Variants in SERPINH1 observed in about 807,000 individuals in gnomAD.
SERPINH1 encodes serpin H1.
In SERPINH1, 22 loss-of-function variants were observed where a neutral mutation model predicts 32.3. The observed-to-expected ratio is 0.68, with a 90% confidence interval of 0.49 to 0.97. SERPINH1 has a LOEUF of 0.97. Among genes scored for constraint, SERPINH1 ranks in the 50% least tolerant of loss-of-function variants. SERPINH1 has a pLI of 0.00. For missense variants in SERPINH1, 543 were observed against 576.4 expected, an observed-to-expected ratio of 0.94 and a Z score of 0.59; for synonymous variants, 251 against 245.9, an observed-to-expected ratio of 1.02 and a Z score of -0.19.
At position 75,566,766 on chromosome 11, in the gene SERPINH1, A is replaced by G. The variant is rs1455724743; in HGVS notation, c.417A>G (p.Ser139=). 6.2e-7 allele frequency: 1 copy of G among 1,613,258 alleles called. No homozygotes were observed. The highest frequency in any genetic ancestry group is 2.2e-5 in the East Asian group (1 of 44,886). Residue 139 remains serine (S), a synonymous_variant, in exon 2 of 5, where the codon TCA becomes TCG. Coordinates refer to ENST00000358171, the MANE Select transcript of SERPINH1 (RefSeq NM_001235.5). ...KLGSRLYGPS[S]VSFADDFVRS... ...GCAGCCGACTGTACGGACCCAGCTC[A>G]GTGAGCTTCGCTGATGACTTCGTGC... is the stretch of plus-strand genomic sequence containing the variant.
chr11:75,569,829 T>C (rs921250226), intron 4 of SERPINH1, among the ~76,000 whole-genome samples: 1 of 152,198 alleles, frequency 6.6e-6, no homozygotes, highest in East Asian at 1.9e-4. Context: ...TTAAGTAACC[T>C]GTGCAAAGTC....
intron 1 of SERPINH1, among the ~76,000 whole-genome samples, chr11:75,564,926 C>G (rs1257629923): frequency 6.6e-6 from 1 of 152,200 alleles, no homozygotes; most frequent in African/African-American, 2.4e-5. Context: ...TGAGGGTCTT[C>G]CACCAGGATT....
At chr11:75,571,425 T>C (rs1396602971) in intron 4 of SERPINH1, among the ~76,000 whole-genome samples, 1 of 152,208 alleles carries the variant, frequency 6.6e-6, no homozygotes, top group Non-Finnish European at 1.5e-5. Flanking sequence ...GAGATTCTGA[T>C]TCAGGGGGTC....
chr11:75,570,566 G>A (rs1047097903), intron 4 of SERPINH1, among the ~76,000 whole-genome samples: 1 of 152,174 alleles, frequency 6.6e-6, no homozygotes, highest in Non-Finnish European at 1.5e-5. Flanking sequence ...AGGTCATCCG[G>A]GTGGGAAGAG....
chr11:75,569,212 C>T (rs1232763940), intron 4 of SERPINH1, 41 bp downstream of exon 4: 2 of 1,478,170 alleles, frequency 1.4e-6, no homozygotes, highest in Admixed American at 3.9e-5. Context: ...GGCCTTGGAG[C>T]CAGGGGGAGG....
In SERPINH1 at chr11:75,566,724, C is replaced by T. The variant is rs772088561; in HGVS notation, c.375C>T (p.Asn125=). The change falls in exon 2 of 5, where the codon AAC becomes AAT. Residue 125 remains asparagine (N), a synonymous_variant. Coordinates refer to ENST00000358171, the MANE Select transcript of SERPINH1 (RefSeq NM_001235.5). ...LRSLSNSTAR[N]VTWKLGSRLY... ...CACTCAGCAACTCCACGGCGCGCAACGTGACCTGGAAGCTGGGCAGCCGAC... is the reference window on the plus strand; with the variant it reads ...CACTCAGCAACTCCACGGCGCGCAATGTGACCTGGAAGCTGGGCAGCCGAC... The T allele has an allele frequency of 4.3e-6, 7 of 1,612,740 alleles. No homozygotes were observed. Among genetic ancestry groups the T allele is most frequent in the South Asian group, 1.1e-5 (1 of 91,060 alleles).
Position 75,572,173 on chromosome 11 carries a change from C to A in SERPINH1, c.*90C>A. 1 of 1,309,378 alleles carries A rather than the reference C, an allele frequency of 7.6e-7. No homozygotes were observed. The highest frequency in any genetic ancestry group is 1.1e-6 in the Non-Finnish European group (1 of 924,898). 81.1% of individuals were successfully genotyped at this position (1,309,378 alleles called of 1,614,324 possible). ...TGGGGTTGGGGGGGAGGTGAGGTAC[C>A]AGCCTTGGATACTCCATGGGGTGGG... On this transcript the variant is annotated 3_prime_UTR_variant, in exon 5 of 5. Transcript: ENST00000358171.
At chr11:75,564,191 C>T (rs12275382) in intron 1 of SERPINH1, among the ~76,000 whole-genome samples, 4,080 of 152,340 alleles carry the variant, frequency 0.027, 192 homozygotes, top group African/African-American at 0.092. Flanking sequence ...CCCCCTCTGC[C>T]GGCCGGTGGA....
Position 75,567,038 on chromosome 11 carries a change from C to T in SERPINH1, c.622+67C>T. 2.6e-6 allele frequency: 4 copies of T among 1,510,644 alleles called. No homozygotes were observed. The East Asian group carries it at 7.0e-5, about 26-fold the overall frequency. The allele number at this position is 1,510,644 out of a possible 1,614,324, so 93.6% of individuals were successfully genotyped here. On this transcript the variant is annotated intron_variant, in intron 2 of 4. Transcript: ENST00000358171. ...GGACCCCCTGCAAGAGTTAGGACGA[C>T]ATTCCGTGCGCTCCATTCTTCACTG...
At chr11:75,564,548 A>C (rs538304179) in intron 1 of SERPINH1, among the ~76,000 whole-genome samples, 1 of 151,810 alleles carries the variant, frequency 6.6e-6, no homozygotes, top group East Asian at 1.9e-4. Context: ...TGCCCATTTT[A>C]CTCTTATAAG....
Position 75,568,739 on chromosome 11 carries a change from G to A in SERPINH1, c.631G>A (p.Asp211Asn), listed in dbSNP as rs552545957. ...VNAMFFKPHW[D>N]EKFHHKMVDN... ...TTTTGCCCCAACTACAGCACACTGGGATGAGAAATTCCACCACAAGATGGT... is the reference window on the plus strand; with the variant it reads ...TTTTGCCCCAACTACAGCACACTGGAATGAGAAATTCCACCACAAGATGGT... Residue 211 changes from aspartate (D) to asparagine (N), a missense_variant, in exon 3 of 5, where the codon GAT becomes AAT. Asp to Asn is a conservative substitution (Grantham distance 23). This residue lies in a region of SERPINH1 where 427 missense variants were observed against 446.4 expected (regional missense o/e 0.96). Transcript: ENST00000358171. The A allele has an allele frequency of 2.5e-6, 4 of 1,612,464 alleles. No individual in the cohort carries two copies. The highest frequency in any genetic ancestry group is 1.7e-5 in the Admixed American group (1 of 60,006).
Position 75,568,815 on chromosome 11 carries a change from T to C in SERPINH1, c.707T>C (p.Met236Thr), listed in dbSNP as rs991387889. The C allele has an allele frequency of 5.0e-6, 8 of 1,613,196 alleles. No individual in the cohort carries two copies. The highest frequency in any genetic ancestry group is 6.8e-6 in the Non-Finnish European group (8 of 1,179,302). Reference protein sequence around the residue: ...VTRSYTVGVMMMHRTGLYNYY... With the variant: ...VTRSYTVGVMTMHRTGLYNYY... ...CGGTCCTATACCGTGGGTGTCATGA[T>C]GATGCACCGGACAGGTAGGTGCTGT... The change falls in exon 3 of 5, where the codon ATG (methionine) becomes ACG (threonine). Residue 236 changes from methionine (M) to threonine (T), a missense_variant. Met to Thr is a moderately conservative substitution (Grantham distance 81, BLOSUM62 -1). Coordinates refer to ENST00000358171, the MANE Select transcript of SERPINH1 (RefSeq NM_001235.5).
chr11:75,569,945 T>A (rs1017057233), intron 4 of SERPINH1, among the ~76,000 whole-genome samples: 2 of 151,684 alleles, frequency 1.3e-5, no homozygotes, highest in Admixed American at 1.3e-4. Context: ...AGCTAGAGGA[T>A]TATCTACCAT....
At position 75,566,651 on chromosome 11, in the gene SERPINH1, A is replaced by G. The variant is rs747493825; in HGVS notation, c.302A>G (p.Gln101Arg). 1 of 1,608,038 alleles carries G rather than the reference A, an allele frequency of 6.2e-7. No individual in the cohort carries two copies. The highest frequency in any genetic ancestry group is 8.5e-7 in the Non-Finnish European group (1 of 1,178,316). ...GCCAAGGCAGTGCTGAGCGCCGAGCAGCTGCGCGACGAGGAGGTGCACGCC... is the reference window on the plus strand; with the variant it reads ...GCCAAGGCAGTGCTGAGCGCCGAGCGGCTGCGCGACGAGGAGGTGCACGCC... ...SQAKAVLSAE[Q>R]LRDEEVHAGL... is the part of the protein sequence containing the mutation. Residue 101 changes from glutamine (Q) to arginine (R), a missense_variant, in exon 2 of 5, where the codon CAG becomes CGG. Physicochemically the swap from Gln to Arg is conservative, Grantham distance 43. Coordinates refer to ENST00000358171, the MANE Select transcript of SERPINH1 (RefSeq NM_001235.5).
intron 2 of SERPINH1, 127 bp downstream of exon 2, chr11:75,567,098 G>GGACTGTCACTCAGCTTTTTGCA (rs1253547395): frequency 1.9e-6 from 2 of 1,064,972 alleles, no homozygotes; most frequent in East Asian, 5.2e-5. Flanking sequence ...CAGGGAGGCA[G>GGACTGTCACTCAGCTTTTTGCA]GACTGTCACT....
At position 75,568,187 on chromosome 11, in the gene SERPINH1, G is replaced by C. The variant is rs140465492; in HGVS notation, c.623-544G>C. Reference sequence around the variant, plus strand: ...GCTGGTAGTCCCAGCTACTCTGGAGGCTGAGGTGGGAGGATCGCTGGAGCC... The same window carrying C: ...GCTGGTAGTCCCAGCTACTCTGGAGCCTGAGGTGGGAGGATCGCTGGAGCC... On this transcript the variant is annotated intron_variant, in intron 2 of 4. Transcript: ENST00000358171. The C allele has an allele frequency of 3.7e-3, 642 of 173,708 alleles. 4 individuals carry two copies. Among genetic ancestry groups the C allele is most frequent in the East Asian group, 0.029 (198 of 6,868 alleles). The allele number at this position is 173,708 out of a possible 1,614,324, so 10.8% of individuals were successfully genotyped here.
At chr11:75,568,883 G>A in intron 3 of SERPINH1, 54 bp downstream of exon 3, 1 of 1,601,688 alleles carries the variant, frequency 6.2e-7, no homozygotes, top group South Asian at 1.1e-5. Context: ...AAGGGTAGTT[G>A]GTCTGACCCA....
At position 75,572,508 on chromosome 11, in the gene SERPINH1, T is replaced by C; in HGVS notation, c.*425T>C. 1 of 253,734 alleles carries C rather than the reference T, an allele frequency of 3.9e-6. No homozygotes were observed. Among genetic ancestry groups the C allele is most frequent in the Non-Finnish European group, 7.7e-6 (1 of 129,190 alleles). 15.7% of individuals were successfully genotyped at this position (253,734 alleles called of 1,614,324 possible). ...CAGCTCTATCCCAACCTCTCCCAAC[T>C]ATAAAACTAGGTGCTGCAGCCCCTG... On this transcript the variant is annotated 3_prime_UTR_variant, in exon 5 of 5. Coordinates refer to ENST00000358171, the MANE Select transcript of SERPINH1 (RefSeq NM_001235.5).
rs755657867 is a variant in SERPINH1, at chr11:75,566,622, G to A, written c.273G>A (p.Ser91=). Residue 91 remains serine (S), a synonymous_variant, in exon 2 of 5, where the codon TCG becomes TCA. Transcript: ENST00000358171. ...TGGGCGGCAAGGCGACCACGGCGTC[G>A]CAGGCCAAGGCAGTGCTGAGCGCCG... ...VSLGGKATTA[S]QAKAVLSAEQ... 2 of 1,607,368 alleles carry A rather than the reference G, an allele frequency of 1.2e-6. No homozygotes were observed. Among genetic ancestry groups the A allele is most frequent in the African/African-American group, 1.3e-5 (1 of 74,862 alleles).
Sources: allele counts gnomAD v4.1 joint callset (sites outside exome capture counted in the v4.1 genomes callset), GRCh38; gene constraint gnomAD v4.1.1; regional missense constraint gnomAD v4.1.1; transcripts MANE v1.5; gene names NCBI Gene and HGNC (gene_info 2026-07-23, HGNC 2026-07-21).